Variants in SOX5 observed in about 807,000 individuals in gnomAD.
SOX5 encodes transcription factor SOX-5.
In SOX5, 9 loss-of-function variants were observed where a neutral mutation model predicts 92.0. That is an observed-to-expected ratio of 0.10 (90% confidence interval 0.06 to 0.17). SOX5 has a LOEUF of 0.17. SOX5 is among the 10% of genes least tolerant of loss of function. SOX5 has a pLI of 1.00. For synonymous variants in SOX5, 344 were observed against 336.3 expected, an observed-to-expected ratio of 1.02 and a Z score of -0.25; for missense variants, 642 against 944.5, an observed-to-expected ratio of 0.68 and a Z score of 4.20.
At chr12:24,366,096 T>C (rs1393027055) in intron 2 of SOX5, among the ~76,000 whole-genome samples, 1 of 152,148 alleles carries the variant, frequency 6.6e-6, no homozygotes, top group Non-Finnish European at 1.5e-5. Flanking sequence ...AATGTCACTA[T>C]TCGAATTTCT....
intron 12 of SOX5, among the ~76,000 whole-genome samples, chr12:23,545,197 G>T (rs1437420329): frequency 6.6e-6 from 1 of 152,146 alleles, no homozygotes; most frequent in Non-Finnish European, 1.5e-5. Context: ...GTATATTGGA[G>T]GATTCAAGGG....
At chr12:23,691,061 G>A (rs1383311317) in intron 6 of SOX5, among the ~76,000 whole-genome samples, 3 of 152,138 alleles carry the variant, frequency 2.0e-5, no homozygotes, top group African/African-American at 4.8e-5. Context: ...AGAGAGAGTT[G>A]GTGAAAGGTT....
chr12:24,499,235 C>G (rs986942736), intron 1 of SOX5, among the ~76,000 whole-genome samples: 3 of 152,224 alleles, frequency 2.0e-5, no homozygotes, highest in Non-Finnish European at 4.4e-5. Flanking sequence ...CCATCCCCAT[C>G]GTCCCCCCTG....
At chr12:24,543,808 T>A (rs1403664237) in intron 1 of SOX5, among the ~76,000 whole-genome samples, 1 of 152,234 alleles carries the variant, frequency 6.6e-6, no homozygotes, top group Non-Finnish European at 1.5e-5. Flanking sequence ...CAGTCTACAC[T>A]CAATAATGGA....
chr12:24,375,047 A>T (rs1957115698), intron 1 of SOX5, among the ~76,000 whole-genome samples: 1 of 151,962 alleles, frequency 6.6e-6, no homozygotes, highest in African/African-American at 2.4e-5. Flanking sequence ...ATCTCGGCTC[A>T]CTGCAAGCTC....
At chr12:23,708,878 A>T (rs893265575) in intron 6 of SOX5, among the ~76,000 whole-genome samples, 1 of 152,172 alleles carries the variant, frequency 6.6e-6, no homozygotes, top group African/African-American at 2.4e-5. Flanking sequence ...ACTTCCTCAT[A>T]GAATACGTGG....
At chr12:23,703,757 C>A (rs895312953) in intron 6 of SOX5, among the ~76,000 whole-genome samples, 1 of 150,526 alleles carries the variant, frequency 6.6e-6, no homozygotes, top group Admixed American at 6.6e-5. Flanking sequence ...CACACAAACA[C>A]CATGATATAG....
At chr12:24,000,159 A>T (rs1205186664) in intron 4 of SOX5, among the ~76,000 whole-genome samples, 1 of 151,220 alleles carries the variant, frequency 6.6e-6, no homozygotes, top group Non-Finnish European at 1.5e-5. Flanking sequence ...TACTAGCAAA[A>T]AGGAGGTGGA....
intron 1 of SOX5, among the ~76,000 whole-genome samples, chr12:23,925,007 G>A (rs544147266): frequency 1.3e-5 from 2 of 151,204 alleles, no homozygotes; most frequent in African/African-American, 2.4e-5. Flanking sequence ...AAACACCCAA[G>A]AATGATCAAT....
At chr12:24,012,406 C>T (rs560010408) in intron 4 of SOX5, among the ~76,000 whole-genome samples, 15 of 152,060 alleles carry the variant, frequency 9.9e-5, no homozygotes, top group African/African-American at 3.4e-4. Context: ...TCATATGACA[C>T]GGAAGTCCTA....
chr12:23,877,145 AAAAAT>A (rs2096936521), intron 2 of SOX5, among the ~76,000 whole-genome samples: 1 of 152,188 alleles, frequency 6.6e-6, no homozygotes, highest in Non-Finnish European at 1.5e-5. Context: ...GTATAATAAA[AAAAAT>A]AAAACTTTCT....
chr12:24,392,487 C>T (rs1959093061), intron 1 of SOX5, among the ~76,000 whole-genome samples: 2 of 152,008 alleles, frequency 1.3e-5, no homozygotes, highest in South Asian at 2.1e-4. Context: ...CATTTTCTCT[C>T]CCCAGAGTCT....
At chr12:24,542,369 T>C (rs1191530748) in intron 1 of SOX5, among the ~76,000 whole-genome samples, 1 of 152,230 alleles carries the variant, frequency 6.6e-6, no homozygotes, top group African/African-American at 2.4e-5. Flanking sequence ...ACTTTCAGAA[T>C]AAAACAGGCT....
intron 7 of SOX5, among the ~76,000 whole-genome samples, chr12:23,663,465 C>T (rs1037876080): frequency 2.0e-5 from 3 of 152,060 alleles, no homozygotes; most frequent in Non-Finnish European, 4.4e-5. Flanking sequence ...TACGGTTATG[C>T]TATTGTTCAT....
intron 4 of SOX5, among the ~76,000 whole-genome samples, chr12:24,010,205 T>C (rs1952754671): frequency 6.6e-6 from 1 of 152,206 alleles, no homozygotes; most frequent in Admixed American, 6.5e-5. Flanking sequence ...AGAGTCAAGA[T>C]AAGCTTATTA....
intron 4 of SOX5, among the ~76,000 whole-genome samples, chr12:23,966,057 G>A (rs189187871): frequency 7.4e-4 from 113 of 152,096 alleles, no homozygotes; most frequent in African/African-American, 2.5e-3. Context: ...AGATTTCAAA[G>A]AAGCAGCAAA....
chr12:24,269,456 T>C (rs958360900), intron 3 of SOX5, among the ~76,000 whole-genome samples: 9 of 152,206 alleles, frequency 5.9e-5, no homozygotes, highest in African/African-American at 1.9e-4. Context: ...TAAATACCTA[T>C]GTGAAGTTTC....
intron 5 of SOX5, among the ~76,000 whole-genome samples, chr12:23,735,248 C>T (rs2093546165): frequency 6.6e-6 from 1 of 152,242 alleles, no homozygotes. Context: ...AAGCCCCTTA[C>T]CACCAACTCA....
At chr12:23,942,336 G>C (rs181510948) in intron 1 of SOX5, among the ~76,000 whole-genome samples, 5 of 151,384 alleles carry the variant, frequency 3.3e-5, no homozygotes, top group East Asian at 1.9e-4. Flanking sequence ...CTATCTCCCT[G>C]GTATTTCAAT....
Sources: allele counts gnomAD v4.1 joint callset (sites outside exome capture counted in the v4.1 genomes callset), GRCh38; gene constraint gnomAD v4.1.1; transcripts MANE v1.5; gene names NCBI Gene and HGNC (gene_info 2026-07-23, HGNC 2026-07-21).